The following SHC3 variants were observed in gnomAD, a reference collection of about 807,000 sequenced individuals.
SHC3 encodes the protein SHC adaptor protein 3, also known as SHC-transforming protein 3.
A neutral mutation model predicts 60.4 loss-of-function variants in SHC3; 15 were observed. The observed-to-expected ratio is 0.25, with a 90% CI of 0.17 to 0.38. The LOEUF is 0.38. Ranked by LOEUF, SHC3 falls within the 10% of genes least tolerant of loss-of-function variation. The pLI is 1.00. For synonymous variants in SHC3, 294 were observed against 325.9 expected (o/e 0.90, Z 1.05); for missense variants, 677 against 786.1 (o/e 0.86, Z 1.66).
intron 9 of SHC3, among the ~76,000 whole-genome samples, chr9:89,044,747 T>G (rs1481096293): frequency 6.6e-6 from 1 of 152,234 alleles, no homozygotes; most frequent in African/African-American, 2.4e-5. Flanking sequence ...CTTAGATAGT[T>G]GTATCTAAAT....
At chr9:89,069,884 C>A (rs1825242418) in intron 5 of SHC3, among the ~76,000 whole-genome samples, 1 of 152,232 alleles carries the variant, frequency 6.6e-6, no homozygotes, top group African/African-American at 2.4e-5. Flanking sequence ...TTCAATTTGG[C>A]TTCCAATGTG....
chr9:89,014,908 T>A (rs749061668), intron 11 of SHC3, among the ~76,000 whole-genome samples: 1 of 152,138 alleles, frequency 6.6e-6, no homozygotes, highest in African/African-American at 2.4e-5. Context: ...AATTAGCACC[T>A]GAAGGAACAG....
intron 6 of SHC3, 133 bp from the exon 7 acceptor site, chr9:89,052,296 CA>C (rs1396040807): frequency 4.6e-6 from 5 of 1,086,334 alleles, no homozygotes; most frequent in Non-Finnish European, 6.4e-6. Context: ...CTAGCAGATC[CA>C]ACCACAGCTT....
chr9:89,109,239 G>C, intron 2 of SHC3: 2 of 829,886 alleles, frequency 2.4e-6, no homozygotes, highest in Non-Finnish European at 2.9e-6. Flanking sequence ...ATGCAACCCA[G>C]AAATGTCTGA....
At chr9:89,076,948 G>C (rs1825367517) in intron 3 of SHC3, among the ~76,000 whole-genome samples, 1 of 152,014 alleles carries the variant, frequency 6.6e-6, no homozygotes, top group Admixed American at 6.6e-5. Context: ...GGAAGCCAAG[G>C]CGGGTGGATC....
At chr9:89,022,708 T>C (rs1279883991) in intron 11 of SHC3, among the ~76,000 whole-genome samples, 2 of 152,122 alleles carry the variant, frequency 1.3e-5, no homozygotes, top group African/African-American at 4.8e-5. Context: ...TAGCAACACC[T>C]CCTTATGAAA....
chr9:89,119,181 T>G (rs1826057413), intron 1 of SHC3, among the ~76,000 whole-genome samples: 1 of 151,804 alleles, frequency 6.6e-6, no homozygotes, highest in South Asian at 2.1e-4. Flanking sequence ...TATATCACTG[T>G]AAAAATAAGA....
chr9:89,146,182 C>T (rs111311578), intron 1 of SHC3, among the ~76,000 whole-genome samples: 1 of 151,512 alleles, frequency 6.6e-6, no homozygotes, highest in Admixed American at 6.6e-5. Context: ...ATGGTGAAAC[C>T]CCCGTTTCTA....
At chr9:89,036,453 T>C (rs1824579521) in intron 11 of SHC3, among the ~76,000 whole-genome samples, 1 of 152,194 alleles carries the variant, frequency 6.6e-6, no homozygotes, top group South Asian at 2.1e-4. Flanking sequence ...AAATTCAATG[T>C]ACGTGTACCC....
Position 89,174,211 on chromosome 9 carries a change from T to C in SHC3, c.474+3776A>G, listed in dbSNP as rs1038323390. Reference sequence around the variant, plus strand: ...TACGAAGACCACCTATAAAAGGCAGTAGAGCATTTACAAATAAAGCAAATG... The same window carrying C: ...TACGAAGACCACCTATAAAAGGCAGCAGAGCATTTACAAATAAAGCAAATG... On this transcript the variant is annotated intron_variant, in intron 1 of 11. Transcript: ENST00000375835. 6.6e-5 allele frequency among the ~76,000 whole-genome samples: 10 copies of C among 152,172 alleles called. No individual in the cohort carries two copies. The East Asian group carries it at 9.6e-4, about 15-fold the overall frequency.
intron 2 of SHC3, among the ~76,000 whole-genome samples, chr9:89,111,849 T>C (rs538393233): frequency 6.6e-6 from 1 of 152,348 alleles, no homozygotes; most frequent in South Asian, 2.1e-4. Flanking sequence ...CAAATGAACC[T>C]AAGCTCCTTG....
chr9:89,133,174 TG>T (rs1353413520), intron 1 of SHC3, among the ~76,000 whole-genome samples: 2 of 152,190 alleles, frequency 1.3e-5, no homozygotes, highest in Non-Finnish European at 2.9e-5. Context: ...TCATCATCAC[TG>T]GCCATCAGAG....
At chr9:89,128,155 C>T (rs577307710) in intron 1 of SHC3, among the ~76,000 whole-genome samples, 1 of 151,950 alleles carries the variant, frequency 6.6e-6, no homozygotes, top group Admixed American at 6.6e-5. Context: ...AAATATAATG[C>T]CTTTTGGTTC....
chr9:89,011,658 A>G lies in SHC3; in HGVS notation c.*1789T>C, dbSNP rs1587671737. ...CGTCTGCTTCTGGATCACTAAGCAG[A>G]GTATCCACATGATGCCTGAAGCCAA... On this transcript the variant is annotated 3_prime_UTR_variant, in exon 12 of 12. Coordinates refer to ENST00000375835, the MANE Select transcript of SHC3 (RefSeq NM_016848.6). 1.3e-5 allele frequency: 2 copies of G among 152,380 alleles called. No individual in the cohort carries two copies. The highest frequency in any genetic ancestry group is 3.8e-4 in the East Asian group (2 of 5,196). 9.4% of individuals were successfully genotyped at this position (152,380 alleles called of 1,614,324 possible).
At chr9:89,155,242 A>C (rs921606279) in intron 1 of SHC3, among the ~76,000 whole-genome samples, 1 of 152,032 alleles carries the variant, frequency 6.6e-6, no homozygotes, top group Admixed American at 6.5e-5. Flanking sequence ...ACAAGCCTCC[A>C]TTTCACTGGA....
At chr9:89,124,537 T>A (rs1412395310) in intron 1 of SHC3, among the ~76,000 whole-genome samples, 1 of 152,126 alleles carries the variant, frequency 6.6e-6, no homozygotes, top group Non-Finnish European at 1.5e-5. Flanking sequence ...GTCCTTTGCA[T>A]GGACATGGAT....
At chr9:89,108,648 C>T (rs2118102561) in intron 2 of SHC3, among the ~76,000 whole-genome samples, 1 of 152,246 alleles carries the variant, frequency 6.6e-6, no homozygotes, top group African/African-American at 2.4e-5. Flanking sequence ...GATTTCTTAT[C>T]AGATCTAAGG....
At chr9:89,020,397 T>C (rs113325772) in intron 11 of SHC3, among the ~76,000 whole-genome samples, 44 of 152,080 alleles carry the variant, frequency 2.9e-4, no homozygotes, top group Non-Finnish European at 7.4e-5. Context: ...GGGGCCTCTG[T>C]GGTCTGTGGA....
chr9:89,150,740 G>T (rs1352381293), intron 1 of SHC3, among the ~76,000 whole-genome samples: 2 of 152,132 alleles, frequency 1.3e-5, no homozygotes, highest in Non-Finnish European at 2.9e-5. Context: ...TGGAATTGCT[G>T]GGTCTTATGG....
Sources: allele counts gnomAD v4.1 joint callset (sites outside exome capture counted in the v4.1 genomes callset), GRCh38; gene constraint gnomAD v4.1.1; transcripts MANE v1.5; gene names NCBI Gene and HGNC (gene_info 2026-07-23, HGNC 2026-07-21).